The following ATXN10 variants were observed in gnomAD, a reference collection of about 807,000 sequenced individuals.
The protein encoded by ATXN10 is ataxin-10.
In ATXN10, 28 loss-of-function variants were observed where a neutral mutation model predicts 52.9. The ratio of observed to expected loss-of-function variants is 0.53; its 90% confidence interval spans 0.39 to 0.73. ATXN10 has a LOEUF of 0.73. Ranked by LOEUF, ATXN10 falls within the 30% of genes least tolerant of loss-of-function variation. The pLI, the probability that ATXN10 is intolerant of heterozygous loss-of-function variation, is 0.00. For synonymous variants in ATXN10, 226 were observed against 221.5 expected, an observed-to-expected ratio of 1.02 and a Z score of -0.18; for missense variants, 565 against 577.0, an observed-to-expected ratio of 0.98 and a Z score of 0.21.
chr22:45,810,640 T>C (rs1928250975), intron 10 of ATXN10, among the ~76,000 whole-genome samples: 2 of 152,406 alleles, frequency 1.3e-5, no homozygotes, highest in South Asian at 4.1e-4. Context: ...TGTCCGCTTA[T>C]TTAGGATTAT....
At chr22:45,838,743 C>A (rs1353213822) in intron 10 of ATXN10, among the ~76,000 whole-genome samples, 1 of 152,156 alleles carries the variant, frequency 6.6e-6, no homozygotes, top group East Asian at 1.9e-4. Context: ...TGACCCAGGG[C>A]TGTGGACCAG....
intron 10 of ATXN10, 43 bp downstream of exon 10, chr22:45,807,065 G>A: frequency 1.9e-6 from 3 of 1,550,196 alleles, no homozygotes; most frequent in Non-Finnish European, 2.7e-6. Flanking sequence ...TTACAGCCGG[G>A]GCCCTTAGCA....
chr22:45,732,229 G>A lies in ATXN10; in HGVS notation c.894+2639G>A, dbSNP rs1012892268. Among the ~76,000 whole-genome samples, 1 of 152,150 alleles carries A rather than the reference G, an allele frequency of 6.6e-6. No homozygotes were observed. Among genetic ancestry groups the A allele is most frequent in the Non-Finnish European group, 1.5e-5 (1 of 68,022 alleles). On this transcript the variant is annotated intron_variant, in intron 7 of 11. Transcript: ENST00000252934. This position sits in a 1 kb window ranked among gnomAD's most constrained non-coding sequence, Gnocchi z 4.5. ...TACTTTGGGACGCCAAGGCGTGGGA[G>A]GATTGCTTAAGCCCAGGAGTTGGAG...
chr22:45,829,001 G>A (rs1928904513), intron 10 of ATXN10, among the ~76,000 whole-genome samples: 1 of 152,070 alleles, frequency 6.6e-6, no homozygotes, highest in Admixed American at 6.6e-5. Context: ...GAATTTAACA[G>A]CATACTAAAA....
Position 45,843,542 on chromosome 22 carries a change from T to C in ATXN10, c.1426-127T>C, listed in dbSNP as rs1929416925. On this transcript the variant is annotated intron_variant, in intron 11 of 11. Transcript: ENST00000252934. This position sits in a 1 kb window ranked among gnomAD's most constrained non-coding sequence, Gnocchi z 4.5. ...AACTCCTTGAATAATATTGCATGAATTGTTTTAGGTTTCTCTAAGTTATTT... is the reference window on the plus strand; with the variant it reads ...AACTCCTTGAATAATATTGCATGAACTGTTTTAGGTTTCTCTAAGTTATTT... 3.6e-6 allele frequency: 3 copies of C among 830,116 alleles called. No homozygotes were observed. The Admixed American group carries it at 6.1e-5, about 17-fold the overall frequency. 51.4% of individuals were successfully genotyped at this position (830,116 alleles called of 1,614,324 possible).
chr22:45,789,645 A>G lies in ATXN10; in HGVS notation c.1174-17314A>G, dbSNP rs1411552845. Among the ~76,000 whole-genome samples, 8 of 152,134 alleles carry G rather than the reference A, an allele frequency of 5.3e-5. No homozygotes were observed. Among genetic ancestry groups the G allele is most frequent in the Admixed American group, 5.2e-4 (8 of 15,272 alleles). ...TCCACGACAAGAAGAAGAGAGGGAGAGCCTTCTAACCCATCCAGCCCCTTT... is the reference window on the plus strand; with the variant it reads ...TCCACGACAAGAAGAAGAGAGGGAGGGCCTTCTAACCCATCCAGCCCCTTT... On this transcript the variant is annotated intron_variant, in intron 9 of 11. Coordinates refer to ENST00000252934, the MANE Select transcript of ATXN10 (RefSeq NM_013236.4). The surrounding 1 kb of genome is among the most constrained non-coding windows in gnomAD (Gnocchi z 4.0).
rs151322622 is a variant in ATXN10 at position 45,842,101 on chromosome 22, G to A, written c.1238-890G>A. Among the ~76,000 whole-genome samples, 10 of 152,264 alleles carry A rather than the reference G, an allele frequency of 6.6e-5. No homozygotes were observed. Among genetic ancestry groups the A allele is most frequent in the Non-Finnish European group, 1.2e-4 (8 of 68,010 alleles). On this transcript the variant is annotated intron_variant, in intron 10 of 11. Transcript: ENST00000252934. The surrounding 1 kb of genome is among the most constrained non-coding windows in gnomAD (Gnocchi z 4.8). ...TGTTCTCCCTGGATCAGGGTGCCAGGCCCAGTAGGGACACAGCCTCTCTTG... is the reference window on the plus strand; with the variant it reads ...TGTTCTCCCTGGATCAGGGTGCCAGACCCAGTAGGGACACAGCCTCTCTTG...
rs963899874 is a variant in ATXN10, at chr22:45,769,810, G to T, written c.1173+29272G>T. 6.6e-6 allele frequency among the ~76,000 whole-genome samples: 1 copy of T among 152,192 alleles called. No individual in the cohort carries two copies. Among genetic ancestry groups the T allele is most frequent in the Non-Finnish European group, 1.5e-5 (1 of 68,030 alleles). ...TCTGATGAATGAATTTACTCTGTAT[G>T]CAGTAGAGTGTGATCTGAACAAAAA... On this transcript the variant is annotated intron_variant, in intron 9 of 11. Coordinates refer to ENST00000252934, the MANE Select transcript of ATXN10 (RefSeq NM_013236.4). This position sits in a 1 kb window ranked among gnomAD's most constrained non-coding sequence, Gnocchi z 4.2.
chr22:45,747,548 A>G (rs1228181571), intron 9 of ATXN10, among the ~76,000 whole-genome samples: 1 of 152,134 alleles, frequency 6.6e-6, no homozygotes, highest in African/African-American at 2.4e-5. Flanking sequence ...TTCTCCTGTC[A>G]CTGACTTTTC....
intron 6 of ATXN10, among the ~76,000 whole-genome samples, chr22:45,722,387 A>G (rs17651760): frequency 0.055 from 8,302 of 152,296 alleles, 313 homozygotes; most frequent in Non-Finnish European, 0.084. Context: ...GAAGGTTTAA[A>G]TGGCAGATGA....
chr22:45,733,653 A>G lies in ATXN10; in HGVS notation c.894+4063A>G, dbSNP rs1256305660. On this transcript the variant is annotated intron_variant, in intron 7 of 11. Coordinates refer to ENST00000252934, the MANE Select transcript of ATXN10 (RefSeq NM_013236.4). This position sits in a 1 kb window ranked among gnomAD's most constrained non-coding sequence, Gnocchi z 4.4. ...CGGGAGGCTGTCCCAGCTACTCGGG[A>G]GGCGGAGGCAGAGAATCACGTGAAC... is the stretch of plus-strand genomic sequence containing the variant. Among the ~76,000 whole-genome samples, 1 of 151,798 alleles carries G rather than the reference A, an allele frequency of 6.6e-6. No homozygotes were observed. Among genetic ancestry groups the G allele is most frequent in the African/African-American group, 2.4e-5 (1 of 41,354 alleles).
At chr22:45,778,200 G>C (rs2146850071) in intron 9 of ATXN10, among the ~76,000 whole-genome samples, 1 of 152,316 alleles carries the variant, frequency 6.6e-6, no homozygotes, top group South Asian at 2.1e-4. Context: ...TGCAATAGCT[G>C]TATGACATTG....
intron 9 of ATXN10, among the ~76,000 whole-genome samples, chr22:45,751,545 C>G (rs1484214749): frequency 6.6e-6 from 1 of 151,826 alleles, no homozygotes; most frequent in Non-Finnish European, 1.5e-5. Context: ...AATTTCCTCT[C>G]TGTTGTCAGG....
At chr22:45,792,740 C>G (rs530943183) in intron 9 of ATXN10, 9 of 447,430 alleles carry the variant, frequency 2.0e-5, no homozygotes, top group African/African-American at 1.6e-4. Context: ...TAACTATAAA[C>G]AAGCCAAGGT....
At chr22:45,729,710 A>G (rs1925013721) in intron 7 of ATXN10, 120 bp downstream of exon 7, 1 of 1,100,266 alleles carries the variant, frequency 9.1e-7, no homozygotes, top group Non-Finnish European at 1.3e-6. Context: ...TAAGTAATGT[A>G]TCCATATATG....
chr22:45,784,532 C>CCA lies in ATXN10; in HGVS notation c.1174-22424_1174-22423dup, dbSNP rs1315320362. 6.6e-6 allele frequency among the ~76,000 whole-genome samples: 1 copy of CCA among 152,180 alleles called. No homozygotes were observed. The highest frequency in any genetic ancestry group is 2.4e-5 in the African/African-American group (1 of 41,444). ...TCTGCCTCAGGTAACAGTGGGGCTT[C>CCA]CACATGTCTTGCCTTGGAGGTCTGT... On this transcript the variant is annotated intron_variant, in intron 9 of 11. Transcript: ENST00000252934. This position sits in a 1 kb window ranked among gnomAD's most constrained non-coding sequence, Gnocchi z 4.2.
chr22:45,774,659 G>A lies in ATXN10; in HGVS notation c.1174-32300G>A, dbSNP rs949518233. Among the ~76,000 whole-genome samples the A allele has an allele frequency of 6.6e-6, 1 of 152,018 alleles. No homozygotes were observed. The highest frequency in any genetic ancestry group is 2.4e-5 in the African/African-American group (1 of 41,402). ...CAAAATAAAGGCAGGGGGGCTGGACGCGGTGGCTCACGCTTATAATCCTAG... is the reference window on the plus strand; with the variant it reads ...CAAAATAAAGGCAGGGGGGCTGGACACGGTGGCTCACGCTTATAATCCTAG... On this transcript the variant is annotated intron_variant, in intron 9 of 11. Transcript: ENST00000252934. This position sits in a 1 kb window ranked among gnomAD's most constrained non-coding sequence, Gnocchi z 6.2.
intron 9 of ATXN10, among the ~76,000 whole-genome samples, chr22:45,746,417 A>G (rs1273080333): frequency 1.3e-5 from 2 of 151,998 alleles, no homozygotes; most frequent in African/African-American, 2.4e-5. Context: ...TAATGATTTT[A>G]TTTAGGTTGT....
chr22:45,765,715 A>G (rs886320226), intron 9 of ATXN10, among the ~76,000 whole-genome samples: 5 of 152,210 alleles, frequency 3.3e-5, no homozygotes, highest in Non-Finnish European at 7.3e-5. Context: ...GTTCTCATGA[A>G]GACCCTACTG....
Sources: gnomAD v4.1 joint callset for allele counts (sites outside exome capture counted in the v4.1 genomes callset) on GRCh38, gnomAD v4.1.1 for gene constraint, Gnocchi (gnomAD v3.1) non-coding constraint, MANE v1.5 for transcripts, NCBI Gene and HGNC (gene_info 2026-07-23, HGNC 2026-07-21) for gene names.